GLB1L3: variants seen among roughly 807,000 people sequenced by gnomAD.
GLB1L3 encodes the protein galactosidase beta 1 like 3.
In GLB1L3, 89 loss-of-function variants were observed where a neutral mutation model predicts 89.5. The observed-to-expected ratio is 0.99, with a 90% CI of 0.84 to 1.19. The LOEUF is 1.19. Among genes scored for constraint, GLB1L3 ranks in the 50% most tolerant of loss-of-function variants. GLB1L3 has a pLI of 0.00. For missense variants in GLB1L3, 812 were observed against 813.3 expected, an observed-to-expected ratio of 1.00 and a Z score of 0.02; for synonymous variants, 314 against 312.3, an observed-to-expected ratio of 1.01 and a Z score of -0.06.
intron 11 of GLB1L3, chr11:134,310,005 C>G: frequency 1.9e-6 from 1 of 537,578 alleles, no homozygotes; most frequent in Non-Finnish European, 3.3e-6. Flanking sequence ...GTATACTGCC[C>G]TGTTGGCTTG....
chr11:134,299,731 T>C (rs1294424361), intron 9 of GLB1L3, among the ~76,000 whole-genome samples: 1 of 152,180 alleles, frequency 6.6e-6, no homozygotes, highest in Non-Finnish European at 1.5e-5. Context: ...GGAGAAAGGC[T>C]TCCCCTGATG....
At position 134,313,388 on chromosome 11, in the gene GLB1L3, C is replaced by A; in HGVS notation, c.1501-8C>A. 1 of 1,571,896 alleles carries A rather than the reference C, an allele frequency of 6.4e-7. No homozygotes were observed. Among genetic ancestry groups the A allele is most frequent in the South Asian group, 1.2e-5 (1 of 85,252 alleles). ...GCGTGGTCTCCATGACCTGGCCTGT[C>A]CCAGCAGGACTGCCGATACCTGAGG... is the stretch of plus-strand genomic sequence containing the variant. On this transcript the variant is annotated splice_region_variant and splice_polypyrimidine_tract_variant and intron_variant, in intron 15 of 19. Coordinates refer to ENST00000431683, the MANE Select transcript of GLB1L3 (RefSeq NM_001080407.3).
Position 134,305,347 on chromosome 11 carries a change from G to A in GLB1L3, c.877-1777G>A, listed in dbSNP as rs1942150176. On this transcript the variant is annotated intron_variant, in intron 9 of 19. Transcript: ENST00000431683. The stretch of plus-strand genomic sequence containing the variant: ...TTCTTACTTAGGAGAAATTTGTGCT[G>A]TTAGTCTTTCCTAAAATCTTCGACA... The A allele has an allele frequency of 6.2e-6, 3 of 483,380 alleles. No individual in the cohort carries two copies. In the South Asian group the frequency reaches 1.2e-4, roughly 19 times the overall value. 29.9% of individuals were successfully genotyped at this position (483,380 alleles called of 1,614,324 possible). A position where few individuals can be genotyped will look rare whatever the true frequency, so the allele number is the denominator to read the frequency against.
chr11:134,276,863 G>A (rs1318285796), intron 1 of GLB1L3, 100 bp downstream of exon 1: 2 of 1,083,862 alleles, frequency 1.8e-6, no homozygotes, highest in Non-Finnish European at 1.2e-6. Flanking sequence ...CGCGCCCCAG[G>A]CACGCGCCGC....
At chr11:134,314,737 C>T (rs1365831128) in intron 18 of GLB1L3, among the ~76,000 whole-genome samples, 2 of 152,186 alleles carry the variant, frequency 1.3e-5, no homozygotes, top group Admixed American at 6.5e-5. Flanking sequence ...CAGAACTCAA[C>T]ACTGCCAACA....
At chr11:134,292,878 A>G (rs1173367570) in intron 8 of GLB1L3, 4 of 545,100 alleles carry the variant, frequency 7.3e-6, no homozygotes, top group African/African-American at 5.8e-5. Context: ...TTTCCAGTCT[A>G]ATCATGTCAG....
At chr11:134,283,600 C>A in intron 5 of GLB1L3, 137 bp from the exon 6 acceptor site, 14 of 569,896 alleles carry the variant, frequency 2.5e-5, no homozygotes, top group Admixed American at 3.1e-5. Flanking sequence ...ACAGATCTTT[C>A]CAGGACCCGA....
chr11:134,286,775 T>C (rs1399670629), intron 6 of GLB1L3, among the ~76,000 whole-genome samples: 1 of 149,728 alleles, frequency 6.7e-6, no homozygotes, highest in African/African-American at 2.5e-5. Context: ...AGACTCCGTC[T>C]CAAAAAATAA....
chr11:134,319,684 T>C (rs1334081363), downstream of GLB1L3: 7 of 147,342 alleles, frequency 4.8e-5, no homozygotes, highest in Admixed American at 4.7e-4. Context: ...AAACTCACGG[T>C]CTCCCTCCTC....
Position 134,282,094 on chromosome 11 carries a change from T to C in GLB1L3, c.501T>C (p.Ser167=), listed in dbSNP as rs1302895421. 1.9e-6 allele frequency: 3 copies of C among 1,565,058 alleles called. No homozygotes were observed. The highest frequency in any genetic ancestry group is 2.6e-6 in the Non-Finnish European group (3 of 1,151,572). The change falls in exon 5 of 20, where the codon AGT becomes AGC. Residue 167 remains serine, a synonymous_variant. Transcript: ENST00000431683. ...VILRPGRYIC[S]EMDLGGLPSW... ...TGCGTCCAGGCCGCTACATCTGCAGTGAGATGGACCTCGGGGGCTTGCCCA... is the reference window on the plus strand; with the variant it reads ...TGCGTCCAGGCCGCTACATCTGCAGCGAGATGGACCTCGGGGGCTTGCCCA...
At chr11:134,291,206 G>A (rs1144227) in intron 7 of GLB1L3, among the ~76,000 whole-genome samples, 68,179 of 151,580 alleles carry the variant, frequency 0.45, 15,783 homozygotes, top group Non-Finnish European at 0.49. Context: ...AAAATCGGTC[G>A]GTGTTCAAGT....
Position 134,318,683 on chromosome 11 carries a change from G to T in GLB1L3, c.1832G>T (p.Trp611Leu), listed in dbSNP as rs746216952. ...FINGRNLGRY[W>L]NIGPQKTLYL... is the part of the protein sequence containing the mutation. ...AATGGACGTAACCTTGGGCGATATT[G>T]GAATATTGGGCCTCAGAAAACACTG... Residue 611 changes from tryptophan (W) to leucine (L), a missense_variant, in exon 19 of 20, where the codon TGG (tryptophan) becomes TTG (leucine). Trp to Leu is a moderately conservative substitution (Grantham distance 61). Transcript: ENST00000431683. The T allele has an allele frequency of 1.7e-5, 27 of 1,612,974 alleles. No individual in the cohort carries two copies. The highest frequency in any genetic ancestry group is 8.5e-7 in the Non-Finnish European group (1 of 1,179,368).
At position 134,293,209 on chromosome 11, in the gene GLB1L3, G is replaced by C. The variant is rs753833943; in HGVS notation, c.876G>C (p.Gln292His). 1.2e-6 allele frequency: 2 copies of C among 1,613,262 alleles called. No homozygotes were observed. Among genetic ancestry groups the C allele is most frequent in the Non-Finnish European group, 1.7e-6 (2 of 1,179,302 alleles). Residue 292 changes from glutamine to histidine, a missense_variant and splice_region_variant, in exon 9 of 20, where the codon CAG becomes CAC. By Grantham distance (24) the Gln-to-His change is conservative. Coordinates refer to ENST00000431683, the MANE Select transcript of GLB1L3 (RefSeq NM_001080407.3). Reference protein sequence around the residue: ...QDTFNQLHKVQRDKPLLIMEY... With the variant: ...QDTFNQLHKVHRDKPLLIMEY... ...CTTTCAATCAGCTTCATAAAGTCCA[G>C]GTAAGACATTTCAGACAGGCAGGGT... is the stretch of plus-strand genomic sequence containing the variant.
Position 134,313,980 on chromosome 11 carries a change from AG to A in GLB1L3, c.1622del (p.Gly541AlafsTer9). 1 of 1,613,088 alleles carries A rather than the reference AG, an allele frequency of 6.2e-7. No homozygotes were observed. ...GTCAGCATCAATAACTCTTCCCTGG[AG>A]GGCTTTACCATCTATTCCCTGGAGA... ...GSVSINNSSLEGFTIYSLEMK... is the reference protein window; with the variant it reads ...GSVSINNSSLXGFTIYSLEMK... On this transcript the variant is annotated frameshift_variant, in exon 17 of 20. Coordinates refer to ENST00000431683, the MANE Select transcript of GLB1L3 (RefSeq NM_001080407.3). LOFTEE classifies it high-confidence loss of function.
intron 7 of GLB1L3, among the ~76,000 whole-genome samples, chr11:134,291,085 G>A (rs1941330142): frequency 6.6e-6 from 1 of 152,014 alleles, no homozygotes; most frequent in African/African-American, 2.4e-5. Context: ...TCAAACCCGT[G>A]TCTAGCTCCC....
At chr11:134,278,360 C>A (rs80184844) in intron 3 of GLB1L3, among the ~76,000 whole-genome samples, 3 of 152,132 alleles carry the variant, frequency 2.0e-5, no homozygotes, top group African/African-American at 7.2e-5. Flanking sequence ...TCTTAGCTCA[C>A]GGCAGCTTCT....
rs759061480 is a variant in GLB1L3 at position 134,314,425 on chromosome 11, C to G, written c.1763C>G (p.Thr588Ser). Residue 588 changes from threonine to serine, a missense_variant, in exon 18 of 20, where the codon ACC becomes AGC. Thr to Ser is a moderately conservative substitution (Grantham distance 58). Around this residue, in one of 3 missense-constraint regions of GLB1L3, gnomAD observed 618 missense variants for 604.0 expected, o/e 1.02. Transcript: ENST00000431683. Reference protein sequence around the residue: ...TLKAGPSPKDTFLSLLNWNYG... With the variant: ...TLKAGPSPKDSFLSLLNWNYG... ...AAGGCTGGCCCTTCTCCCAAGGACA[C>G]CTTCCTGAGCCTGCTGGTAGGTGAT... is the stretch of plus-strand genomic sequence containing the variant. 3.2e-6 allele frequency: 5 copies of G among 1,549,560 alleles called. No homozygotes were observed. The highest frequency in any genetic ancestry group is 4.4e-6 in the Non-Finnish European group (5 of 1,145,028).
rs1942473423 is a variant in GLB1L3, at chr11:134,308,467, C to CCAT, written c.962-1157_962-1156insTCA. 1.7e-4 allele frequency among the ~76,000 whole-genome samples: 3 copies of CCAT among 18,018 alleles called. 1 individual carries two copies. The highest frequency in any genetic ancestry group is 5.7e-4 in the African/African-American group (2 of 3,506). The allele number at this position is 18,018 out of a possible 152,430, so 11.8% of individuals were successfully genotyped here. On this transcript the variant is annotated intron_variant, in intron 10 of 19. Transcript: ENST00000431683. ...ACCATCACCACCACCACCACCACCA[C>CCAT]CACCAAATACCACCACCACCATCAC...
Position 134,276,721 on chromosome 11 carries a change from G to C in GLB1L3, c.-20G>C, listed in dbSNP as rs1248026359. On this transcript the variant is annotated 5_prime_UTR_variant, in exon 1 of 20. Transcript: ENST00000431683. ...GGGGCGGAAGCCGCAAGGGACCCTC[G>C]GCGCCTCGGCCTGGCCGCGATGAAG... 1.4e-6 allele frequency: 2 copies of C among 1,445,106 alleles called. No homozygotes were observed. Among genetic ancestry groups the C allele is most frequent in the Admixed American group, 5.0e-5 (2 of 40,328 alleles). 89.5% of individuals were successfully genotyped at this position (1,445,106 alleles called of 1,614,324 possible).
Sources: gnomAD v4.1 joint callset for allele counts (sites outside exome capture counted in the v4.1 genomes callset) on GRCh38, gnomAD v4.1.1 for gene constraint, gnomAD v4.1.1 regional missense constraint, MANE v1.5 for transcripts, NCBI Gene and HGNC (gene_info 2026-07-23, HGNC 2026-07-21) for gene names.